SIRT5: variants seen among roughly 807,000 people sequenced by gnomAD.
The protein encoded by SIRT5 is sirtuin 5, also known as NAD-dependent protein deacylase sirtuin-5, mitochondrial.
A neutral mutation model predicts 40.0 loss-of-function variants in SIRT5; 26 were observed. That is an observed-to-expected ratio of 0.65 (90% CI 0.48 to 0.90). SIRT5 has a LOEUF of 0.90. SIRT5 is among the 40% of genes least tolerant of loss of function. The pLI is 0.00. For missense variants in SIRT5, 401 were observed against 402.4 expected, an observed-to-expected ratio of 1.00 and a Z score of 0.03; for synonymous variants, 146 against 149.1, an observed-to-expected ratio of 0.98 and a Z score of 0.15.
intron 2 of SIRT5, among the ~76,000 whole-genome samples, chr6:13,581,727 G>A (rs1263823946): frequency 3.9e-5 from 6 of 152,130 alleles, no homozygotes; most frequent in African/African-American, 9.7e-5. Context: ...AGGCCTTGGT[G>A]TTCTATTGAA....
Position 13,615,098 on chromosome 6 carries a change from G to A in SIRT5, c.*3233G>A, listed in dbSNP as rs1764216547. 2.2e-6 allele frequency: 1 copy of A among 457,976 alleles called. No homozygotes were observed. Among genetic ancestry groups the A allele is most frequent in the South Asian group, 4.2e-5 (1 of 23,806 alleles). 28.4% of individuals were successfully genotyped at this position (457,976 alleles called of 1,614,324 possible). ...GAGGGCAGCGCGATGGCTCTTCCCT[G>A]CCTTGAAATCAACCCCATTGCCAGC... On this transcript the variant is annotated 3_prime_UTR_variant, in exon 10 of 10. Transcript: ENST00000606117.
chr6:13,607,161 A>G lies in SIRT5; in HGVS notation c.858-4629A>G, dbSNP rs1175021956. On this transcript the variant is annotated intron_variant, in intron 9 of 9. Coordinates refer to ENST00000606117, the MANE Select transcript of SIRT5 (RefSeq NM_012241.5). The surrounding 1 kb of genome is among the most constrained non-coding windows in gnomAD (Gnocchi z 4.0). ...AACAAAACAGACAACCAGGAAAATCAGATCCCAAGGCCCCCACCTAGACTT... is the reference window on the plus strand; with the variant it reads ...AACAAAACAGACAACCAGGAAAATCGGATCCCAAGGCCCCCACCTAGACTT... Among the ~76,000 whole-genome samples, 2 of 152,160 alleles carry G rather than the reference A, an allele frequency of 1.3e-5. No homozygotes were observed. Among genetic ancestry groups the G allele is most frequent in the Non-Finnish European group, 2.9e-5 (2 of 68,018 alleles).
At chr6:13,586,293 G>T (rs1329003621) in intron 3 of SIRT5, among the ~76,000 whole-genome samples, 1 of 152,126 alleles carries the variant, frequency 6.6e-6, no homozygotes, top group Admixed American at 6.6e-5. Flanking sequence ...ATTGCTTTTG[G>T]TGTTTTAGTC....
chr6:13,604,904 T>C, intron 9 of SIRT5: 1 of 1,007,588 alleles, frequency 9.9e-7, no homozygotes. Flanking sequence ...TTTGGCAAGC[T>C]ACTTATCAAC....
chr6:13,608,585 T>TAAAA (rs751373309), intron 9 of SIRT5, among the ~76,000 whole-genome samples: 1 of 137,676 alleles, frequency 7.3e-6, no homozygotes. Context: ...GACTCTGTCT[T>TAAAA]AAAAAAAAAA....
At position 13,603,720 on chromosome 6, in the gene SIRT5, AATC is replaced by A. The variant is rs377391762; in HGVS notation, c.857+2774_857+2776del. Among the ~76,000 whole-genome samples, 402 of 152,326 alleles carry A rather than the reference AATC, an allele frequency of 2.6e-3. 2 individuals are homozygous for A. The highest frequency in any genetic ancestry group is 8.3e-3 in the African/African-American group (345 of 41,566). ...CCTTGGTATATAGTCCTAGAAATGA[AATC>A]ATACATCTACACAAAAATCTGTACA... On this transcript the variant is annotated intron_variant, in intron 9 of 9. Coordinates refer to ENST00000606117, the MANE Select transcript of SIRT5 (RefSeq NM_012241.5).
chr6:13,604,464 GTT>G lies in SIRT5; in HGVS notation c.857+3517_857+3518del, dbSNP rs1402845545. ...TCCCCAGTTTGGTTCTTCTAATGTG[GTT>G]TCTTTTCAGTCATTTGATCTCCATC... On this transcript the variant is annotated intron_variant, in intron 9 of 9. Transcript: ENST00000606117. The G allele has an allele frequency of 4.0e-6, 6 of 1,499,270 alleles. No homozygotes were observed. In the East Asian group the frequency reaches 6.8e-5, roughly 17 times the overall value. The allele number at this position is 1,499,270 out of a possible 1,614,324, so 92.9% of individuals were successfully genotyped here. A position where few individuals can be genotyped will look rare whatever the true frequency, so the allele number is the denominator to read the frequency against.
At chr6:13,575,984 T>C (rs191001168) in intron 1 of SIRT5, among the ~76,000 whole-genome samples, 1 of 152,374 alleles carries the variant, frequency 6.6e-6, no homozygotes, top group Non-Finnish European at 1.5e-5. Flanking sequence ...AATGACAGAA[T>C]TGCCTTCTGT....
At chr6:13,605,768 C>G in intron 9 of SIRT5, 2 of 985,436 alleles carry the variant, frequency 2.0e-6, no homozygotes, top group Non-Finnish European at 2.4e-6. Context: ...TACTCAACCC[C>G]AGGGGGCCTT....
At chr6:13,596,244 A>C (rs370230862) in intron 6 of SIRT5, among the ~76,000 whole-genome samples, 1 of 152,152 alleles carries the variant, frequency 6.6e-6, no homozygotes, top group East Asian at 1.9e-4. Context: ...CTATATTTCT[A>C]TTATGAACAT....
intron 6 of SIRT5, among the ~76,000 whole-genome samples, chr6:13,596,127 T>C (rs918998096): frequency 2.8e-4 from 43 of 152,324 alleles, no homozygotes; most frequent in Middle Eastern, 3.4e-3. Context: ...TATCTGTATA[T>C]AGTTAAAAGA....
intron 2 of SIRT5, 143 bp from the exon 3 acceptor site, chr6:13,583,933 C>A (rs558327575): frequency 7.1e-5 from 26 of 366,116 alleles, no homozygotes; most frequent in Admixed American, 5.0e-4. Context: ...AAAGGACATT[C>A]GTGTATGTGT....
chr6:13,614,396 G>C lies in SIRT5; in HGVS notation c.*2531G>C, dbSNP rs1242510882. On this transcript the variant is annotated 3_prime_UTR_variant, in exon 10 of 10. Transcript: ENST00000606117. ...TTCTACCTGGGGGGCTGCGGCAGTA[G>C]AGGGAAGAGCACGGTCGGTACAAAT... 3 of 152,294 alleles carry C rather than the reference G, an allele frequency of 2.0e-5. No individual in the cohort carries two copies. The highest frequency in any genetic ancestry group is 2.9e-5 in the Non-Finnish European group (2 of 68,092). The allele number at this position is 152,294 out of a possible 1,614,324, so 9.4% of individuals were successfully genotyped here.
At chr6:13,583,794 G>A (rs1234421878) in intron 2 of SIRT5, among the ~76,000 whole-genome samples, 2 of 152,096 alleles carry the variant, frequency 1.3e-5, no homozygotes, top group African/African-American at 2.4e-5. Context: ...AGGTGATGGC[G>A]ACGCTGCTGG....
chr6:13,588,323 C>G lies in SIRT5; in HGVS notation c.116-8C>G, dbSNP rs1265465013. On this transcript the variant is annotated splice_region_variant and splice_polypyrimidine_tract_variant and intron_variant, in intron 3 of 9. Transcript: ENST00000606117. ...ACACTGGATTGATAAAGATTTCACT[C>G]TGTTTAGGTATGGCAGATTTTCGAA... 1 of 1,611,308 alleles carries G rather than the reference C, an allele frequency of 6.2e-7. No homozygotes were observed. The highest frequency in any genetic ancestry group is 1.7e-5 in the Admixed American group (1 of 59,230).
chr6:13,611,993 A>G lies in SIRT5; in HGVS notation c.*128A>G, dbSNP rs201962490. On this transcript the variant is annotated 3_prime_UTR_variant, in exon 10 of 10. Coordinates refer to ENST00000606117, the MANE Select transcript of SIRT5 (RefSeq NM_012241.5). Reference sequence around the variant, plus strand: ...AATAGCCTCTGATTCCCTCGCTGGAATCCAACCTGTTGATAAGTGATGGGG... The same window carrying G: ...AATAGCCTCTGATTCCCTCGCTGGAGTCCAACCTGTTGATAAGTGATGGGG... 1 of 816,052 alleles carries G rather than the reference A, an allele frequency of 1.2e-6. No individual in the cohort carries two copies. The highest frequency in any genetic ancestry group is 2.0e-6 in the Non-Finnish European group (1 of 511,136). The allele number at this position is 816,052 out of a possible 1,614,324, so 50.6% of individuals were successfully genotyped here.
intron 7 of SIRT5, among the ~76,000 whole-genome samples, chr6:13,598,059 G>A (rs1487519356): frequency 1.3e-5 from 2 of 152,210 alleles, no homozygotes; most frequent in Non-Finnish European, 2.9e-5. Flanking sequence ...CTAAAAAGTG[G>A]TTGTAATACG....
At position 13,588,377 on chromosome 6, in the gene SIRT5, C is replaced by T; in HGVS notation, c.162C>T (p.Val54=). 6.2e-7 allele frequency: 1 copy of T among 1,614,088 alleles called. No homozygotes were observed. Among genetic ancestry groups the T allele is most frequent in the Non-Finnish European group, 8.5e-7 (1 of 1,179,944 alleles). The change falls in exon 4 of 10, where the codon GTC becomes GTT. Residue 54 remains valine (V), a synonymous_variant. Coordinates refer to ENST00000606117, the MANE Select transcript of SIRT5 (RefSeq NM_012241.5). ...RKFFAKAKHI[V]IISGAGVSAE... ...TTTTTGCAAAAGCAAAGCACATAGT[C>T]ATCATCTCAGGAGCTGGTGTTAGTG... is the stretch of plus-strand genomic sequence containing the variant.
chr6:13,578,616 CAAAAAAAAAAA>C (rs60663066), intron 1 of SIRT5, among the ~76,000 whole-genome samples: 16 of 36,774 alleles, frequency 4.4e-4, no homozygotes, highest in African/African-American at 1.4e-3. Flanking sequence ...GACTCCATCT[CAAAAAAAAAAA>C]AAAAAAAAAA....
Sources: allele counts gnomAD v4.1 joint callset (sites outside exome capture counted in the v4.1 genomes callset), GRCh38; gene constraint gnomAD v4.1.1; non-coding constraint Gnocchi (gnomAD v3.1); transcripts MANE v1.5; gene names NCBI Gene and HGNC (gene_info 2026-07-23, HGNC 2026-07-21).